HLA-DQB1: variants seen among roughly 807,000 people sequenced by gnomAD.
HLA-DQB1 encodes the protein HLA class II histocompatibility antigen, DQ beta 1 chain.
HLA-DQB1 carries 13 observed loss-of-function variants against 26.4 expected under a neutral mutation model. The ratio of observed to expected loss-of-function variants is 0.49; its 90% CI spans 0.32 to 0.78. The LOEUF is 0.78. Ranked by LOEUF, HLA-DQB1 falls within the 30% of genes least tolerant of loss-of-function variation. The pLI, the probability that HLA-DQB1 is intolerant of heterozygous loss-of-function variation, is 0.03. For missense variants in HLA-DQB1, 158 were observed against 326.2 expected, an observed-to-expected ratio of 0.48 and a Z score of 3.97; for synonymous variants, 60 against 129.1, an observed-to-expected ratio of 0.46 and a Z score of 3.63.
exon 1 of HLA-DQB1, chr6:32,666,623 A>C (rs1784197882): frequency 2.1e-6 from 2 of 933,776 alleles, no homozygotes; most frequent in South Asian, 2.9e-5. Flanking sequence ...AGACGAAGGG[A>C]AAAGCAGTGG....
chr6:32,660,263 A>G lies in HLA-DQB1; in HGVS notation c.773-14T>C. 9.6e-7 allele frequency: 1 copy of G among 1,037,620 alleles called. No homozygotes were observed. Among genetic ancestry groups the G allele is most frequent in the Non-Finnish European group, 1.4e-6 (1 of 731,654 alleles). 64.3% of individuals were successfully genotyped at this position (1,037,620 alleles called of 1,614,324 possible). On this transcript the variant is annotated splice_polypyrimidine_tract_variant and intron_variant, in intron 4 of 4. Transcript: ENST00000434651. Reference sequence around the variant, plus strand: ...AGTGCAGAAGCCCTGGAGAAGAGAGAAGAGCATTGATCAGCACAGGGTATC... The same window carrying G: ...AGTGCAGAAGCCCTGGAGAAGAGAGGAGAGCATTGATCAGCACAGGGTATC...
intron 1 of HLA-DQB1, among the ~76,000 whole-genome samples, chr6:32,665,491 G>A (rs9274445): frequency 0.43 from 54,342 of 127,744 alleles, 15,247 homozygotes; most frequent in Middle Eastern, 0.6. Context: ...CAGGAATTAA[G>A]CCTGGCCTCG....
chr6:32,661,838 A>T (rs9273858), intron 3 of HLA-DQB1, 129 bp downstream of exon 3: 1 of 765,780 alleles, frequency 1.3e-6, no homozygotes, highest in Non-Finnish European at 2.1e-6. Context: ...CCATGGAGCA[A>T]GAGGTGCTCT....
At chr6:32,665,780 T>A (rs281861430) in intron 1 of HLA-DQB1, among the ~76,000 whole-genome samples, 1 of 132,962 alleles carries the variant, frequency 7.5e-6, no homozygotes, top group Non-Finnish European at 1.6e-5. Flanking sequence ...TCATGATATC[T>A]ACACACAGGA....
At chr6:32,666,406 C>T (rs41316200) in intron 1 of HLA-DQB1, 93 bp downstream of exon 1, 69,605 of 465,532 alleles carry the variant, frequency 0.15, 8,677 homozygotes, top group Middle Eastern at 0.27. Flanking sequence ...AGATTGTGTC[C>T]AAGATCATAG....
intron 4 of HLA-DQB1, chr6:32,660,460 A>T: frequency 2.9e-6 from 1 of 350,498 alleles, no homozygotes; most frequent in Non-Finnish European, 5.2e-6. Context: ...GAGGTGGGGA[A>T]CAGCTGTTAT....
At chr6:32,660,284 G>C in intron 4 of HLA-DQB1, 35 bp from the exon 5 acceptor site, 1 of 981,412 alleles carries the variant, frequency 1.0e-6, no homozygotes, top group Non-Finnish European at 1.4e-6. Flanking sequence ...TCAGCACAGG[G>C]TATCCTGGTG....
At chr6:32,665,101 C>CAGCCTGGCCCG in intron 1 of HLA-DQB1, 34 bp from the exon 2 acceptor site, 3 of 1,113,564 alleles carry the variant, frequency 2.7e-6, no homozygotes, top group Non-Finnish European at 3.7e-6. Context: ...AGTCAGGCCC[C>CAGCCTGGCCCG]AGCCCGGCCG....
At chr6:32,660,692 A>C in intron 4 of HLA-DQB1, 1 of 448,992 alleles carries the variant, frequency 2.2e-6, no homozygotes. Flanking sequence ...GTTCTGGGGA[A>C]CAATGTCTGG....
In HLA-DQB1 at chr6:32,665,095, A is replaced by AGGCCCGGGCCC; in HGVS notation, c.110-29_110-28insGGGCCCGGGCC. On this transcript the variant is annotated intron_variant, in intron 1 of 4. Transcript: ENST00000434651. Reference sequence around the variant, plus strand: ...GCGGGGAATCACCGGCCGGTCAGTCAGGCCCCAGCCCGGCCGCCCCCGCAG... The same window carrying AGGCCCGGGCCC: ...GCGGGGAATCACCGGCCGGTCAGTCAGGCCCGGGCCCGGCCCCAGCCCGGCCGCCCCCGCAG... The AGGCCCGGGCCC allele has an allele frequency of 2.6e-6, 3 of 1,153,530 alleles. No individual in the cohort carries two copies. The East Asian group carries it at 8.6e-5, about 33-fold the overall frequency. The allele number at this position is 1,153,530 out of a possible 1,614,324, so 71.5% of individuals were successfully genotyped here. A position where few individuals can be genotyped will look rare whatever the true frequency, so the allele number is the denominator to read the frequency against.
chr6:32,666,334 C>T (rs9274504), intron 1 of HLA-DQB1, among the ~76,000 whole-genome samples, 165 bp downstream of exon 1: 56,402 of 149,438 alleles, frequency 0.38, 11,132 homozygotes, highest in Middle Eastern at 0.54. Flanking sequence ...CATCTCATCA[C>T]TAAAAGATAA....
At chr6:32,660,412 A>G (rs9273489) in intron 4 of HLA-DQB1, 163 bp from the exon 5 acceptor site, 9,389 of 388,358 alleles carry the variant, frequency 0.024, 422 homozygotes, top group Admixed American at 0.075. Context: ...AAATCAGCTC[A>G]TGAGGACACA....
intron 2 of HLA-DQB1, 74 bp downstream of exon 2, chr6:32,664,724 C>G: frequency 1.8e-6 from 1 of 569,836 alleles, no homozygotes; most frequent in Non-Finnish European, 2.5e-6. Context: ...GACCTCGCCC[C>G]CATCGCCCCT....
intron 1 of HLA-DQB1, among the ~76,000 whole-genome samples, chr6:32,665,505 T>C (rs9274447): frequency 0.26 from 31,138 of 118,664 alleles, 6,478 homozygotes; most frequent in Middle Eastern, 0.36. Flanking sequence ...GGCCTCGTTC[T>C]GACACGCGTA....
chr6:32,663,603 C>A (rs1224968467), intron 2 of HLA-DQB1: 1 of 142,834 alleles, frequency 7.0e-6, no homozygotes, highest in Non-Finnish European at 1.6e-5. Context: ...TTATCATGTA[C>A]CAATATTAGG....
chr6:32,660,693 C>T, intron 4 of HLA-DQB1: 1 of 450,582 alleles, frequency 2.2e-6, no homozygotes. Context: ...TTCTGGGGAA[C>T]AATGTCTGGA....
intron 2 of HLA-DQB1, chr6:32,664,438 G>C: frequency 7.3e-6 from 1 of 136,970 alleles, no homozygotes; most frequent in Non-Finnish European, 1.4e-5. Context: ...CGAGGCCGGC[G>C]GGCAGGGGAA....
At chr6:32,666,333 A>T (rs281860999) in intron 1 of HLA-DQB1, among the ~76,000 whole-genome samples, 166 bp downstream of exon 1, 1 of 151,030 alleles carries the variant, frequency 6.6e-6, no homozygotes, top group African/African-American at 2.4e-5. Flanking sequence ...TCATCTCATC[A>T]CTAAAAGATA....
At position 32,666,595 on chromosome 6, in the gene HLA-DQB1, TC is replaced by T. The variant is rs748378081; in HGVS notation, c.12del (p.Lys5ArgfsTer11). 5.3e-6 allele frequency: 6 copies of T among 1,137,038 alleles called. No individual in the cohort carries two copies. The highest frequency in any genetic ancestry group is 4.2e-5 in the Admixed American group (2 of 47,756). The allele number at this position is 1,137,038 out of a possible 1,614,324, so 70.4% of individuals were successfully genotyped here. ...AGGTCTCCGGGGATCCGCAAAGCCT[TC>T]TTCCAAGACATAACTGAGACGAAGG... On this transcript the variant is annotated frameshift_variant, in exon 1 of 5. Transcript: ENST00000434651. LOFTEE classifies it high-confidence loss of function.
Sources: gnomAD v4.1 joint callset for allele counts (sites outside exome capture counted in the v4.1 genomes callset) on GRCh38, gnomAD v4.1.1 for gene constraint, MANE v1.5 for transcripts, NCBI Gene and HGNC (gene_info 2026-07-23, HGNC 2026-07-21) for gene names.